The following RS1 variants were observed in gnomAD, a reference collection of about 807,000 sequenced individuals.
RS1 encodes retinoschisin.
A neutral mutation model predicts 20.8 loss-of-function variants in RS1; 2 were observed. The ratio of observed to expected loss-of-function variants is 0.10; its 90% confidence interval spans 0.04 to 0.30. RS1 has a LOEUF of 0.30. Ranked by LOEUF, RS1 falls within the 10% of genes least tolerant of loss-of-function variation. RS1 has a pLI of 1.00. For missense variants in RS1, 151 were observed against 189.8 expected (o/e 0.80, Z 1.20); for synonymous variants, 70 against 75.8 (o/e 0.92, Z 0.40).
At position 18,641,871 on chromosome X, in the gene RS1, T is replaced by A. The variant is rs776150678; in HGVS notation, c.*133A>T. 13 of 609,625 alleles carry A rather than the reference T, an allele frequency of 2.1e-5. No homozygotes were observed. The African/African-American group carries it at 2.3e-4, about 11-fold the overall frequency. 50.2% of individuals were successfully genotyped at this position (609,625 alleles called of 1,213,427 possible). ...AAGCTATATCTTAAAAAAAAAAAAA[T>A]TATCTACCCAGCACTGCAGTTACAA... is the stretch of plus-strand genomic sequence containing the variant. On this transcript the variant is annotated 3_prime_UTR_variant, in exon 6 of 6. Coordinates refer to ENST00000379984, the MANE Select transcript of RS1 (RefSeq NM_000330.4).
At chrX:18,655,358 T>C (rs1051372644) in intron 3 of RS1, among the ~76,000 whole-genome samples, 3 of 112,161 alleles carry the variant, frequency 2.7e-5, no homozygotes, top group African/African-American at 9.7e-5. Flanking sequence ...TTATGGCTGC[T>C]TTCCAAGACA....
chrX:18,661,493 G>C (rs951157743), intron 1 of RS1, among the ~76,000 whole-genome samples: 4 of 111,881 alleles, frequency 3.6e-5, no homozygotes, highest in Non-Finnish European at 7.5e-5. Flanking sequence ...CATTAGACTC[G>C]TCTCCCTGCC....
At chrX:18,649,821 C>T (rs1927951690) in intron 3 of RS1, among the ~76,000 whole-genome samples, 1 of 112,139 alleles carries the variant, frequency 8.9e-6, no homozygotes, top group African/African-American at 3.2e-5. Flanking sequence ...CGCGACACCC[C>T]TCCAGCTGGG....
intron 3 of RS1, among the ~76,000 whole-genome samples, chrX:18,652,498 A>G (rs751442613): frequency 5.0e-4 from 56 of 111,523 alleles, no homozygotes; most frequent in African/African-American, 5.2e-4. Flanking sequence ...GTGAAACCCC[A>G]TCTCTACTAA....
intron 1 of RS1, among the ~76,000 whole-genome samples, chrX:18,663,904 A>G (rs1482341778): frequency 8.9e-6 from 1 of 111,953 alleles, no homozygotes; most frequent in Non-Finnish European, 1.9e-5. Flanking sequence ...AAGTGGACCA[A>G]CCTAGTGTTG....
intron 1 of RS1, among the ~76,000 whole-genome samples, chrX:18,669,257 G>A (rs1326314194): frequency 2.7e-5 from 3 of 110,224 alleles, no homozygotes; most frequent in Non-Finnish European, 5.7e-5. Flanking sequence ...TTGGGAGGCC[G>A]AGGCAGGCAG....
At position 18,647,479 on chromosome X, in the gene RS1, CTG is replaced by C. The variant is rs199718286; in HGVS notation, c.185-149_185-148del. The C allele has an allele frequency of 0.036, 20,160 of 566,023 alleles. 319 individuals carry two copies. The highest frequency in any genetic ancestry group is 0.042 in the Non-Finnish European group (14,397 of 340,785). 46.6% of individuals were successfully genotyped at this position (566,023 alleles called of 1,213,427 possible). A position where few individuals can be genotyped will look rare whatever the true frequency, so the allele number is the denominator to read the frequency against. On this transcript the variant is annotated intron_variant, in intron 3 of 5. Coordinates refer to ENST00000379984, the MANE Select transcript of RS1 (RefSeq NM_000330.4). ...TCTCTGTGGTTCACAATGGGTACAGCTGTGTCTTCAACGGTTCACTACTCACG... is the reference window on the plus strand; with the variant it reads ...TCTCTGTGGTTCACAATGGGTACAGCTGTCTTCAACGGTTCACTACTCACG...
In RS1 at chrX:18,642,159, A is replaced by G; in HGVS notation, c.523-3T>C. On this transcript the variant is annotated splice_region_variant and splice_polypyrimidine_tract_variant and intron_variant, in intron 5 of 5. Transcript: ENST00000379984. ...CGGTCCGAGTTGCCATAGAAGACCT[A>G]GAGAGATAGAGGAAATCCTGTCACC... The G allele has an allele frequency of 3.3e-6, 4 of 1,210,624 alleles. No individual in the cohort carries two copies. Among genetic ancestry groups the G allele is most frequent in the Non-Finnish European group, 4.5e-6 (4 of 894,151 alleles).
At chrX:18,666,627 C>T (rs779257087) in intron 1 of RS1, among the ~76,000 whole-genome samples, 2 of 111,550 alleles carry the variant, frequency 1.8e-5, no homozygotes, top group East Asian at 5.7e-4. Context: ...GGGCTGGCCA[C>T]GGCAAGTGTG....
chrX:18,650,670 A>G, intron 3 of RS1: 1 of 1,068,961 alleles, frequency 9.4e-7, no homozygotes. Context: ...AGAAATGCAG[A>G]TGTTCAGGCC....
intron 3 of RS1, among the ~76,000 whole-genome samples, chrX:18,649,041 CAAA>C (rs746581850): frequency 1.9e-3 from 99 of 50,805 alleles, no homozygotes; most frequent in Non-Finnish European, 2.7e-3. Context: ...GACACTGTCT[CAAA>C]AAAAAAAAAA....
chrX:18,644,745 G>A, intron 4 of RS1, 120 bp from the exon 5 acceptor site: 1 of 683,405 alleles, frequency 1.5e-6, no homozygotes, highest in East Asian at 3.4e-5. Context: ...AGCTCGGGCA[G>A]TCTGGGCTGC....
rs761399369 is a variant in RS1 at position 18,645,870 on chromosome X, C to A, written c.327-1245G>T. 2.5e-4 allele frequency: 231 copies of A among 912,718 alleles called. No homozygotes were observed. In the African/African-American group the frequency reaches 4.1e-3, roughly 16 times the overall value. 75.2% of individuals were successfully genotyped at this position (912,718 alleles called of 1,213,427 possible). A position where few individuals can be genotyped will look rare whatever the true frequency, so the allele number is the denominator to read the frequency against. On this transcript the variant is annotated intron_variant, in intron 4 of 5. Transcript: ENST00000379984. ...GGCTAAGATGGCATTTCCTAGTCTC[C>A]CTTGCAACTAGATGGGGCCCCCTAA...
rs1927580467 is a variant in RS1, at chrX:18,641,716, AAAT to A, written c.*285_*287del. 6 of 345,320 alleles carry A rather than the reference AAAT, an allele frequency of 1.7e-5. No individual in the cohort carries two copies. In the Admixed American group the frequency reaches 2.8e-4, roughly 16 times the overall value. 28.5% of individuals were successfully genotyped at this position (345,320 alleles called of 1,213,427 possible). A position where few individuals can be genotyped will look rare whatever the true frequency, so the allele number is the denominator to read the frequency against. On this transcript the variant is annotated 3_prime_UTR_variant, in exon 6 of 6. Coordinates refer to ENST00000379984, the MANE Select transcript of RS1 (RefSeq NM_000330.4). ...CCTTTCACAGTATCACTGAGACAAA[AAAT>A]GAGCAGAAAATTACCCCTGCTACTT...
chrX:18,642,148 A>G lies in RS1; in HGVS notation c.531T>C (p.Tyr177=). ...KDQTGNNRVF[Y]GNSDRTSTVQ... is the part of the protein sequence containing the mutation. ...CCGTGGAGGTGCGGTCCGAGTTGCC[A>G]TAGAAGACCTAGAGAGATAGAGGAA... is the stretch of plus-strand genomic sequence containing the variant. Residue 177 remains tyrosine, a synonymous_variant, in exon 6 of 6, where the codon TAT becomes TAC. Transcript: ENST00000379984. 8.3e-7 allele frequency: 1 copy of G among 1,211,648 alleles called. No individual in the cohort carries two copies. The highest frequency in any genetic ancestry group is 1.1e-6 in the Non-Finnish European group (1 of 895,032).
At chrX:18,653,341 G>T (rs1472221506) in intron 3 of RS1, 2 of 1,165,790 alleles carry the variant, frequency 1.7e-6, no homozygotes, top group Non-Finnish European at 2.3e-6. Flanking sequence ...GTGGCCTTCT[G>T]CTCCGTGGGG....
At position 18,653,421 on chromosome X, in the gene RS1, G is replaced by C. The variant is rs1224129292; in HGVS notation, c.184+3232C>G. On this transcript the variant is annotated intron_variant, in intron 3 of 5. Transcript: ENST00000379984. ...CTCTGAGTGACCCCGCTGTCCTTCTGTGCTTTCCAGGGTTCTCTTTCTTCG... is the reference window on the plus strand; with the variant it reads ...CTCTGAGTGACCCCGCTGTCCTTCTCTGCTTTCCAGGGTTCTCTTTCTTCG... The C allele has an allele frequency of 1.7e-6, 2 of 1,208,482 alleles. No homozygotes were observed. The highest frequency in any genetic ancestry group is 3.5e-5 in the African/African-American group (2 of 57,142).
intron 2 of RS1, among the ~76,000 whole-genome samples, chrX:18,657,383 G>T (rs1206635809): frequency 9.3e-6 from 1 of 107,749 alleles, no homozygotes; most frequent in Non-Finnish European, 1.9e-5. Context: ...ACTATACCTG[G>T]CTAATTTTTG....
chrX:18,665,287 G>A (rs1370954251), intron 1 of RS1, among the ~76,000 whole-genome samples: 2 of 112,412 alleles, frequency 1.8e-5, no homozygotes, highest in Non-Finnish European at 3.8e-5. Context: ...TGCGCAAAAC[G>A]CTTTGGCGGG....
Sources: allele counts gnomAD v4.1 joint callset (sites outside exome capture counted in the v4.1 genomes callset), GRCh38; gene constraint gnomAD v4.1.1; transcripts MANE v1.5; gene names NCBI Gene and HGNC (gene_info 2026-07-23, HGNC 2026-07-21).